The following LRRIQ1 variants were observed in gnomAD, a reference collection of about 807,000 sequenced individuals.
The protein encoded by LRRIQ1 is leucine rich repeats and IQ motif containing 1, also known as leucine-rich repeat- and IQ domain-containing protein 1.
Under a neutral mutation model 211.9 loss-of-function variants are expected in LRRIQ1, and 210 were observed. The ratio of observed to expected loss-of-function variants is 0.99; its 90% confidence interval spans 0.89 to 1.11. The LOEUF is 1.11. Among genes scored for constraint, LRRIQ1 ranks in the 50% most tolerant of loss-of-function variants. The pLI, the probability that LRRIQ1 is intolerant of heterozygous loss-of-function variation, is 0.00. For missense variants in LRRIQ1, 2,136 were observed against 1,939.5 expected, an observed-to-expected ratio of 1.10 and a Z score of -1.90; for synonymous variants, 699 against 650.1, an observed-to-expected ratio of 1.08 and a Z score of -1.14.
chr12:85,212,776 T>A (rs889567745), intron 24 of LRRIQ1, among the ~76,000 whole-genome samples: 182 of 145,800 alleles, frequency 1.2e-3, no homozygotes, highest in Admixed American at 2.7e-3. Flanking sequence ...AATATATATT[T>A]TATATATATA....
chr12:85,224,646 A>G (rs1894560192), intron 24 of LRRIQ1, among the ~76,000 whole-genome samples: 1 of 149,150 alleles, frequency 6.7e-6, no homozygotes, highest in Admixed American at 6.8e-5. Context: ...AGAAAACCAA[A>G]TGCCACATGT....
chr12:85,242,395 C>A (rs1190844785), intron 26 of LRRIQ1, among the ~76,000 whole-genome samples: 1 of 151,688 alleles, frequency 6.6e-6, no homozygotes, highest in Non-Finnish European at 1.5e-5. Flanking sequence ...GTAGCATTTA[C>A]ATTTATTTAG....
chr12:85,111,930 C>T (rs1449885858), intron 15 of LRRIQ1, among the ~76,000 whole-genome samples: 1 of 134,450 alleles, frequency 7.4e-6, no homozygotes, highest in Admixed American at 8.0e-5. Context: ...TGGTATTAGA[C>T]ATTTTATATA....
intron 24 of LRRIQ1, among the ~76,000 whole-genome samples, chr12:85,217,631 T>C (rs1218178132): frequency 1.4e-5 from 2 of 138,914 alleles, no homozygotes; most frequent in African/African-American, 2.9e-5. Context: ...TATATATGTA[T>C]ATATGTATAT....
At chr12:85,197,824 T>TA (rs139290206) in intron 24 of LRRIQ1, among the ~76,000 whole-genome samples, 46,382 of 134,798 alleles carry the variant, frequency 0.34, 10,989 homozygotes, top group African/African-American at 0.68. Context: ...AACTTTATAA[T>TA]AAAAAAATAA....
chr12:85,227,640 A>G (rs1455611817), intron 24 of LRRIQ1, among the ~76,000 whole-genome samples: 2 of 152,162 alleles, frequency 1.3e-5, no homozygotes, highest in African/African-American at 4.8e-5. Context: ...CAAGCTACCA[A>G]TGACTTTCTT....
chr12:85,258,893 T>C (rs187066091), intron 1 of LRRIQ1, among the ~76,000 whole-genome samples: 7 of 152,098 alleles, frequency 4.6e-5, no homozygotes, highest in African/African-American at 1.4e-4. Context: ...GTTAAACGGT[T>C]TTTTATACAT....
chr12:85,219,402 G>A (rs1405259927), intron 24 of LRRIQ1, among the ~76,000 whole-genome samples: 6 of 152,154 alleles, frequency 3.9e-5, no homozygotes, highest in Admixed American at 1.3e-4. Flanking sequence ...TAGTAATTCC[G>A]TAATATCAAA....
intron 24 of LRRIQ1, among the ~76,000 whole-genome samples, chr12:85,213,800 A>G (rs1474544536): frequency 6.6e-6 from 1 of 152,056 alleles, no homozygotes; most frequent in Non-Finnish European, 1.5e-5. Context: ...GTAGACAACA[A>G]TAATTAATGA....
chr12:85,216,191 G>A (rs765134588), intron 24 of LRRIQ1, among the ~76,000 whole-genome samples: 10 of 152,030 alleles, frequency 6.6e-5, no homozygotes, highest in Non-Finnish European at 1.2e-4. Context: ...CCCCTGACAG[G>A]CCCCGGTGTG....
chr12:85,134,532 A>G (rs918074477), intron 18 of LRRIQ1, among the ~76,000 whole-genome samples: 1 of 152,014 alleles, frequency 6.6e-6, no homozygotes, highest in African/African-American at 2.4e-5. Flanking sequence ...TTTGAAAACC[A>G]TGCTACTTAT....
chr12:85,086,702 A>G (rs1330757926), intron 11 of LRRIQ1, among the ~76,000 whole-genome samples: 1 of 151,648 alleles, frequency 6.6e-6, no homozygotes, highest in Non-Finnish European at 1.5e-5. Context: ...GTGTAGATAC[A>G]GTTGATGAAA....
chr12:85,099,046 A>G, intron 13 of LRRIQ1, 52 bp downstream of exon 13: 1 of 1,301,488 alleles, frequency 7.7e-7, no homozygotes, highest in Non-Finnish European at 1.1e-6. Flanking sequence ...TAAAATAAAT[A>G]TGTGATGTTC....
chr12:85,271,569 T>C, the LRRIQ1 span, among the ~76,000 whole-genome samples: 1 of 152,118 alleles, frequency 6.6e-6, no homozygotes, highest in Non-Finnish European at 1.5e-5. Context: ...CCAGAGCTCT[T>C]CTTAATTCTC....
chr12:85,154,810 T>C (rs1325104953), intron 23 of LRRIQ1, among the ~76,000 whole-genome samples: 1 of 151,262 alleles, frequency 6.6e-6, no homozygotes, highest in Non-Finnish European at 1.5e-5. Flanking sequence ...ATTTCTTTTG[T>C]ACATCAGTTT....
intron 15 of LRRIQ1, among the ~76,000 whole-genome samples, chr12:85,119,917 C>A (rs1445392361): frequency 6.6e-6 from 1 of 152,066 alleles, no homozygotes; most frequent in African/African-American, 2.4e-5. Flanking sequence ...GATAACAGTT[C>A]TTAAACAGAT....
At chr12:85,088,270 A>T (rs1885035401) in intron 11 of LRRIQ1, among the ~76,000 whole-genome samples, 1 of 151,916 alleles carries the variant, frequency 6.6e-6, no homozygotes. Context: ...GTGTGGTATT[A>T]TTTCTGAGGG....
chr12:85,197,612 G>C lies in LRRIQ1; in HGVS notation c.4823-31905G>C, dbSNP rs1270218647. Among the ~76,000 whole-genome samples the C allele has an allele frequency of 2.0e-5, 3 of 151,232 alleles. No individual in the cohort carries two copies. In the Admixed American group the frequency reaches 2.0e-4, roughly 10 times the overall value. On this transcript the variant is annotated intron_variant, in intron 24 of 26. Coordinates refer to ENST00000393217, the MANE Select transcript of LRRIQ1 (RefSeq NM_001079910.2). ...CAAACACCACATATTCTCACTCATA[G>C]GTGGGAACTGAACAATGAGATCACA... is the stretch of plus-strand genomic sequence containing the variant.
chr12:85,078,178 C>G (rs968740048), intron 11 of LRRIQ1, among the ~76,000 whole-genome samples: 4 of 152,072 alleles, frequency 2.6e-5, no homozygotes, highest in African/African-American at 9.7e-5. Flanking sequence ...AAATTCAGCC[C>G]TCTCTGAAGC....
Sources: allele counts gnomAD v4.1 joint callset (sites outside exome capture counted in the v4.1 genomes callset), GRCh38; gene constraint gnomAD v4.1.1; transcripts MANE v1.5; gene names NCBI Gene and HGNC (gene_info 2026-07-23, HGNC 2026-07-21).